Variants in TECPR2 observed in about 807,000 individuals in gnomAD.
TECPR2 encodes tectonin beta-propeller repeat containing 2, also known as tectonin beta-propeller repeat-containing protein 2.
A neutral mutation model predicts 138.1 loss-of-function variants in TECPR2; 65 were observed. The observed-to-expected ratio is 0.47, with a 90% CI of 0.39 to 0.58. The LOEUF is 0.58. Among genes scored for constraint, TECPR2 ranks in the 20% least tolerant of loss-of-function variants. The pLI is 0.00. For synonymous variants in TECPR2, 746 were observed against 749.8 expected (o/e 0.99, Z 0.08); for missense variants, 1,553 against 1,824.5 (o/e 0.85, Z 2.71).
rs866133783 is a variant in TECPR2 at position 102,402,006 on chromosome 14, T to C, written c.220-5332T>C. Among the ~76,000 whole-genome samples, 15 of 152,160 alleles carry C rather than the reference T, an allele frequency of 9.9e-5. No individual in the cohort carries two copies. The South Asian group carries it at 1.2e-3, about 13-fold the overall frequency. On this transcript the variant is annotated intron_variant, in intron 2 of 19. Coordinates refer to ENST00000359520, the MANE Select transcript of TECPR2 (RefSeq NM_014844.5). ...AGTTGGAAGCTTTAATATCCCACTA[T>C]CAATAATGGATAGAAAAATAAAGAA...
At chr14:102,474,273 A>G (rs1374714278) in intron 17 of TECPR2, among the ~76,000 whole-genome samples, 1 of 152,144 alleles carries the variant, frequency 6.6e-6, no homozygotes, top group Non-Finnish European at 1.5e-5. Context: ...GTCTTAATCA[A>G]TTAATAAAAA....
At chr14:102,467,599 T>C (rs1221921097) in intron 17 of TECPR2, among the ~76,000 whole-genome samples, 2 of 152,076 alleles carry the variant, frequency 1.3e-5, no homozygotes, top group Non-Finnish European at 2.9e-5. Flanking sequence ...GTGCTGGGAT[T>C]ACAGGCATGA....
chr14:102,371,551 G>T (rs1005713863), intron 1 of TECPR2, among the ~76,000 whole-genome samples: 1 of 152,022 alleles, frequency 6.6e-6, no homozygotes, highest in Non-Finnish European at 1.5e-5. Context: ...TGGCCCCCAG[G>T]CATGGCTGTC....
chr14:102,417,318 A>G (rs1456748154), intron 5 of TECPR2, among the ~76,000 whole-genome samples: 2 of 152,202 alleles, frequency 1.3e-5, no homozygotes, highest in African/African-American at 4.8e-5. Flanking sequence ...TGCTTCCCTC[A>G]CAACTGTTTA....
chr14:102,371,322 G>A (rs1013446619), intron 1 of TECPR2, among the ~76,000 whole-genome samples: 4 of 152,198 alleles, frequency 2.6e-5, no homozygotes, highest in African/African-American at 9.7e-5. Flanking sequence ...CAAACCTAGC[G>A]CAGGACAGTG....
chr14:102,498,872 A>ACACACCTCACCTCACACCACAG lies in TECPR2; in HGVS notation c.*627_*648dup. 1.5e-6 allele frequency: 1 copy of ACACACCTCACCTCACACCACAG among 660,550 alleles called. No individual in the cohort carries two copies. The highest frequency in any genetic ancestry group is 1.8e-5 in the African/African-American group (1 of 56,348). 40.9% of individuals were successfully genotyped at this position (660,550 alleles called of 1,614,324 possible). ...ACGCACATGCACACCACAACACACA[A>ACACACCTCACCTCACACCACAG]CACACCTCACCTCACACCACAGCAC... On this transcript the variant is annotated 3_prime_UTR_variant, in exon 20 of 20. Transcript: ENST00000359520.
chr14:102,377,350 T>C (rs1166566400), intron 2 of TECPR2, among the ~76,000 whole-genome samples: 1 of 152,130 alleles, frequency 6.6e-6, no homozygotes, highest in Non-Finnish European at 1.5e-5. Context: ...TGTAGAGACA[T>C]GGTTTCACTA....
intron 2 of TECPR2, among the ~76,000 whole-genome samples, chr14:102,391,563 A>T (rs907731688): frequency 2.0e-5 from 3 of 151,938 alleles, no homozygotes; most frequent in East Asian, 1.9e-4. Context: ...TTTTTTAGTA[A>T]CTCTAATTTA....
rs534199280 is a variant in TECPR2, at chr14:102,406,847, G to T, written c.220-491G>T. 2.3e-3 allele frequency among the ~76,000 whole-genome samples: 345 copies of T among 152,046 alleles called. 3 individuals are homozygous for T. The highest frequency in any genetic ancestry group is 7.7e-3 in the African/African-American group (320 of 41,498). On this transcript the variant is annotated intron_variant, in intron 2 of 19. Coordinates refer to ENST00000359520, the MANE Select transcript of TECPR2 (RefSeq NM_014844.5). ...CCTACCTAGGTATATTTGTTTTTTGGTTTTTTTGTTGTTGTTGTTTCTTGT... is the reference window on the plus strand; with the variant it reads ...CCTACCTAGGTATATTTGTTTTTTGTTTTTTTTGTTGTTGTTGTTTCTTGT...
intron 2 of TECPR2, among the ~76,000 whole-genome samples, chr14:102,394,104 G>T (rs1888252038): frequency 6.6e-6 from 1 of 152,068 alleles, no homozygotes; most frequent in African/African-American, 2.4e-5. Context: ...TCTGTTAATG[G>T]TATCATTCAT....
chr14:102,490,772 T>G (rs1197642473), intron 17 of TECPR2, among the ~76,000 whole-genome samples: 1 of 152,190 alleles, frequency 6.6e-6, no homozygotes, highest in African/African-American at 2.4e-5. Context: ...GCCCCTGGCT[T>G]ATTGCACCAG....
chr14:102,396,915 G>A (rs776665960), intron 2 of TECPR2, among the ~76,000 whole-genome samples: 30 of 152,166 alleles, frequency 2.0e-4, no homozygotes, highest in Non-Finnish European at 3.7e-4. Flanking sequence ...GGCCATTGTC[G>A]TTACACCTCC....
At chr14:102,451,250 C>T (rs1167846094) in intron 15 of TECPR2, among the ~76,000 whole-genome samples, 2 of 152,146 alleles carry the variant, frequency 1.3e-5, no homozygotes, top group South Asian at 2.1e-4. Context: ...CTGGGAGCCC[C>T]GGCAGTCAGG....
At position 102,452,522 on chromosome 14, in the gene TECPR2, G is replaced by A; in HGVS notation, c.3535G>A (p.Asp1179Asn). The change falls in exon 16 of 20, where the codon GAT becomes AAT. Residue 1179 changes from aspartate (D) to asparagine (N), a missense_variant. By Grantham distance (23) the Asp-to-Asn change is conservative. Coordinates refer to ENST00000359520, the MANE Select transcript of TECPR2 (RefSeq NM_014844.5). ...AEMRAYAACQ[D>N]ALWALDSLGQ... Reference sequence around the variant, plus strand: ...GATGCGCGCCTATGCCGCCTGCCAGGATGCGCTGTGGGCGCTGGACAGCCT... The same window carrying A: ...GATGCGCGCCTATGCCGCCTGCCAGAATGCGCTGTGGGCGCTGGACAGCCT... 6.2e-7 allele frequency: 1 copy of A among 1,612,602 alleles called. No individual in the cohort carries two copies. Among genetic ancestry groups the A allele is most frequent in the Non-Finnish European group, 8.5e-7 (1 of 1,179,718 alleles).
At chr14:102,397,729 A>G (rs1165656833) in intron 2 of TECPR2, among the ~76,000 whole-genome samples, 1 of 152,112 alleles carries the variant, frequency 6.6e-6, no homozygotes, top group Non-Finnish European at 1.5e-5. Flanking sequence ...CCTGGGTAAC[A>G]GAGTGAGACT....
intron 17 of TECPR2, among the ~76,000 whole-genome samples, chr14:102,495,581 G>T (rs555017203): frequency 3.7e-4 from 56 of 152,334 alleles, no homozygotes; most frequent in African/African-American, 1.1e-3. Context: ...GGCTGGGGAA[G>T]AAACCTGCCA....
Position 102,449,635 on chromosome 14 carries a change from A to G in TECPR2, c.3082A>G (p.Ile1028Val), listed in dbSNP as rs770334833. The G allele has an allele frequency of 1.2e-6, 2 of 1,614,124 alleles. No individual in the cohort carries two copies. The highest frequency in any genetic ancestry group is 1.7e-6 in the Non-Finnish European group (2 of 1,179,984). The change falls in exon 14 of 20, where the codon ATC becomes GTC. Residue 1028 changes from isoleucine to valine, a missense_variant. Transcript: ENST00000359520. ...GDDDHWWQVS[I>V]TDYVVFDQCS... ...GCTTGTCTCCTCCTTCCAGGTGAGC[A>G]TCACGGACTATGTGGTGTTTGACCA...
At chr14:102,375,536 GA>G (rs1887621527) in intron 1 of TECPR2, among the ~76,000 whole-genome samples, 1 of 152,184 alleles carries the variant, frequency 6.6e-6, no homozygotes, top group Non-Finnish European at 1.5e-5. Context: ...CCTGGGGTGA[GA>G]ACGAGCTGGA....
At chr14:102,436,371 C>T (rs542152349) in intron 9 of TECPR2, among the ~76,000 whole-genome samples, 124 of 147,930 alleles carry the variant, frequency 8.4e-4, no homozygotes, top group African/African-American at 2.9e-3. Flanking sequence ...CAGGATGGAG[C>T]GCAGTGGCGC....
Sources: allele counts gnomAD v4.1 joint callset (sites outside exome capture counted in the v4.1 genomes callset), GRCh38; gene constraint gnomAD v4.1.1; transcripts MANE v1.5; gene names NCBI Gene and HGNC (gene_info 2026-07-23, HGNC 2026-07-21).